GTF2H3: variants seen among roughly 807,000 people sequenced by gnomAD.
GTF2H3 encodes TFIIH basal transcription factor complex p34 subunit.
Under a neutral mutation model 51.1 loss-of-function variants are expected in GTF2H3, and 42 were observed. The observed-to-expected ratio is 0.82, with a 90% CI of 0.64 to 1.06. The LOEUF is 1.06. GTF2H3 is among the 50% of genes least tolerant of loss of function. The pLI is 0.00. For synonymous variants in GTF2H3, 123 were observed against 123.8 expected, an observed-to-expected ratio of 0.99 and a Z score of 0.04; for missense variants, 326 against 366.1, an observed-to-expected ratio of 0.89 and a Z score of 0.89.
rs866601309 is a variant in GTF2H3 at position 123,642,914 on chromosome 12, G to A, written c.94-2541G>A. Among the ~76,000 whole-genome samples, 23 of 152,086 alleles carry A rather than the reference G, an allele frequency of 1.5e-4. No individual in the cohort carries two copies. The Middle Eastern group carries it at 0.014, about 90-fold the overall frequency. On this transcript the variant is annotated intron_variant, in intron 2 of 12. Transcript: ENST00000543341. ...TTTTGAGATGGCGTCTTGCTCTGTC[G>A]CCCAGGCTGGAGTGCAGTGGTGCAA...
At chr12:123,639,700 T>C (rs1242409498) in intron 2 of GTF2H3, among the ~76,000 whole-genome samples, 4 of 152,192 alleles carry the variant, frequency 2.6e-5, no homozygotes, top group Non-Finnish European at 5.9e-5. Context: ...CTTTCTATTT[T>C]GAAATATTTT....
In GTF2H3 at chr12:123,659,910, T is replaced by G. The variant is rs1955635117; in HGVS notation, c.800T>G (p.Val267Gly). The change falls in exon 11 of 13, where the codon GTC becomes GGC. Residue 267 changes from valine (V) to glycine (G), a missense_variant. Transcript: ENST00000543341. Reference sequence around the variant, plus strand: ...CGAAATCTCATTGAAATTGGTTATGTCTGTTCTGTGTGTTTGTCAAGTAAG... The same window carrying G: ...CGAAATCTCATTGAAATTGGTTATGGCTGTTCTGTGTGTTTGTCAAGTAAG... ...CHRNLIEIGYVCSVCLSIFCN... is the reference protein window; with the variant it reads ...CHRNLIEIGYGCSVCLSIFCN... 1 of 1,613,876 alleles carries G rather than the reference T, an allele frequency of 6.2e-7. No individual in the cohort carries two copies. The highest frequency in any genetic ancestry group is 1.1e-5 in the South Asian group (1 of 90,966).
chr12:123,641,443 C>G (rs1490877784), intron 2 of GTF2H3, among the ~76,000 whole-genome samples: 1 of 151,744 alleles, frequency 6.6e-6, no homozygotes, highest in Non-Finnish European at 1.5e-5. Flanking sequence ...CCAGGCTGAT[C>G]TTGAACTCCT....
chr12:123,645,805 A>G (rs1269953396), intron 3 of GTF2H3, among the ~76,000 whole-genome samples: 1 of 152,208 alleles, frequency 6.6e-6, no homozygotes, highest in East Asian at 1.9e-4. Context: ...GAACTATATT[A>G]TTTAGGCAAA....
At chr12:123,639,957 C>T (rs1337359145) in intron 2 of GTF2H3, 2 of 455,862 alleles carry the variant, frequency 4.4e-6, no homozygotes, top group Non-Finnish European at 8.8e-6. Flanking sequence ...TGTCCATCAG[C>T]ACCACCATCT....
At chr12:123,638,268 C>T in intron 1 of GTF2H3, among the ~76,000 whole-genome samples, 1 of 152,054 alleles carries the variant, frequency 6.6e-6, no homozygotes, top group East Asian at 1.9e-4. Context: ...AAGTGATTCT[C>T]CTGCCTCAGT....
intron 9 of GTF2H3, among the ~76,000 whole-genome samples, chr12:123,656,973 A>T (rs1482125890): frequency 6.6e-6 from 1 of 152,062 alleles, no homozygotes; most frequent in African/African-American, 2.4e-5. Flanking sequence ...CTGTAGTCTC[A>T]GCTGTTCGGG....
intron 1 of GTF2H3, 62 bp downstream of exon 1, chr12:123,633,934 C>G: frequency 6.4e-7 from 1 of 1,560,700 alleles, no homozygotes; most frequent in Non-Finnish European, 8.8e-7. Flanking sequence ...CCGGCTACGA[C>G]TGGCCAGATG....
At chr12:123,643,732 T>C (rs1955409766) in intron 2 of GTF2H3, among the ~76,000 whole-genome samples, 1 of 152,204 alleles carries the variant, frequency 6.6e-6, no homozygotes, top group Admixed American at 6.6e-5. Context: ...TTTTTTCCAG[T>C]TTGTAACTTG....
chr12:123,659,112 A>G (rs181068357), intron 9 of GTF2H3, among the ~76,000 whole-genome samples: 1 of 152,394 alleles, frequency 6.6e-6, no homozygotes, highest in East Asian at 1.9e-4. Flanking sequence ...CTGGAAATGT[A>G]AAATGGTATA....
At chr12:123,645,628 C>A in intron 3 of GTF2H3, 67 bp downstream of exon 3, 1 of 838,396 alleles carries the variant, frequency 1.2e-6, no homozygotes. Context: ...TGCCAGTTGG[C>A]ATGTATTGTT....
In GTF2H3 at chr12:123,660,618, A is replaced by G; in HGVS notation, c.*383A>G. 6.2e-6 allele frequency: 1 copy of G among 160,882 alleles called. No individual in the cohort carries two copies. The allele number at this position is 160,882 out of a possible 1,614,324, so 10.0% of individuals were successfully genotyped here. On this transcript the variant is annotated 3_prime_UTR_variant, in exon 13 of 13. Transcript: ENST00000543341. ...GAAATTTGAACGTAGCTTTGGAAAA[A>G]GGGACTATTTGTGGAGTAATGGCAT... is the stretch of plus-strand genomic sequence containing the variant.
At chr12:123,635,592 A>T (rs939664664) in intron 1 of GTF2H3, among the ~76,000 whole-genome samples, 2 of 141,504 alleles carry the variant, frequency 1.4e-5, no homozygotes, top group Non-Finnish European at 3.1e-5. Flanking sequence ...AAAAAAAAAA[A>T]GGTAGAGATA....
intron 1 of GTF2H3, among the ~76,000 whole-genome samples, chr12:123,634,499 A>G (rs932678142): frequency 1.3e-5 from 2 of 152,230 alleles, no homozygotes; most frequent in South Asian, 2.1e-4. Flanking sequence ...AAGATGATGT[A>G]ACAGTACGGT....
chr12:123,646,203 T>C (rs1050307050), intron 3 of GTF2H3, among the ~76,000 whole-genome samples: 2 of 152,092 alleles, frequency 1.3e-5, no homozygotes, highest in African/African-American at 4.8e-5. Context: ...CTTCTCACAT[T>C]ATGCACTGAC....
intron 9 of GTF2H3, 74 bp from the exon 10 acceptor site, chr12:123,659,438 CATTG>C: frequency 2.0e-6 from 2 of 998,482 alleles, no homozygotes; most frequent in East Asian, 4.8e-5. Flanking sequence ...AGGCCCAAGG[CATTG>C]CTCATGAGAA....
In GTF2H3 at chr12:123,645,454, G is replaced by A; in HGVS notation, c.94-1G>A. ...TTCTAATGTCTTTTTTTTTCCAACA[G>A]TTCACTTTATCCAAATGCATAGATG... is the stretch of plus-strand genomic sequence containing the variant. On this transcript the variant is annotated splice_acceptor_variant, in intron 2 of 12. Coordinates refer to ENST00000543341, the MANE Select transcript of GTF2H3 (RefSeq NM_001516.5). LOFTEE classifies it high-confidence loss of function. 6.6e-7 allele frequency: 1 copy of A among 1,516,998 alleles called. No individual in the cohort carries two copies. Among genetic ancestry groups the A allele is most frequent in the Non-Finnish European group, 9.1e-7 (1 of 1,095,276 alleles). The allele number at this position is 1,516,998 out of a possible 1,614,324, so 94.0% of individuals were successfully genotyped here. A position where few individuals can be genotyped will look rare whatever the true frequency, so the allele number is the denominator to read the frequency against.
intron 5 of GTF2H3, 127 bp from the exon 6 acceptor site, chr12:123,652,405 G>A (rs1297436038): frequency 1.6e-6 from 1 of 608,302 alleles, no homozygotes; most frequent in Non-Finnish European, 2.9e-6. Context: ...CTTGGTGAGT[G>A]GAGCATTTCC....
At chr12:123,655,676 A>AT in intron 8 of GTF2H3, 95 bp from the exon 9 acceptor site, 1 of 756,916 alleles carries the variant, frequency 1.3e-6, no homozygotes, top group Non-Finnish European at 2.3e-6. Flanking sequence ...TGAGTGAGCT[A>AT]TTTTAAGCAT....
Sources: gnomAD v4.1 joint callset for allele counts (sites outside exome capture counted in the v4.1 genomes callset) on GRCh38, gnomAD v4.1.1 for gene constraint, MANE v1.5 for transcripts, NCBI Gene and HGNC (gene_info 2026-07-23, HGNC 2026-07-21) for gene names.